The following WDR25 variants were observed in gnomAD, a reference collection of about 807,000 sequenced individuals.
The protein encoded by WDR25 is WD repeat domain 25.
Under a neutral mutation model 47.7 loss-of-function variants are expected in WDR25, and 35 were observed. That is an observed-to-expected ratio of 0.73 (90% CI 0.56 to 0.97). The LOEUF is 0.97. WDR25 is among the 50% of genes least tolerant of loss of function. The pLI is 0.00. For synonymous variants in WDR25, 248 were observed against 278.9 expected (o/e 0.89, Z 1.10); for missense variants, 634 against 704.7 (o/e 0.90, Z 1.14).
chr14:100,479,134 GT>G (rs1900116053), intron 3 of WDR25, among the ~76,000 whole-genome samples: 1 of 151,816 alleles, frequency 6.6e-6, no homozygotes, highest in Admixed American at 6.6e-5. Flanking sequence ...GGTTGTGATG[GT>G]GGTCCCTGCC....
intron 2 of WDR25, among the ~76,000 whole-genome samples, chr14:100,419,179 G>A (rs528522344): frequency 5.5e-5 from 8 of 144,404 alleles, no homozygotes; most frequent in South Asian, 4.3e-4. Flanking sequence ...CCGAGATCAC[G>A]CCACTGCACT....
At chr14:100,526,132 G>A in intron 5 of WDR25, 92 bp downstream of exon 5, 1 of 1,447,838 alleles carries the variant, frequency 6.9e-7, no homozygotes, top group Non-Finnish European at 9.3e-7. Context: ...TCCCTTCTGT[G>A]GGAGGAGGCT....
intron 3 of WDR25, among the ~76,000 whole-genome samples, chr14:100,478,199 T>A (rs976502807): frequency 1.3e-5 from 2 of 152,260 alleles, no homozygotes; most frequent in Non-Finnish European, 2.9e-5. Context: ...TTTAATTTTG[T>A]AAACTATAAT....
intron 2 of WDR25, among the ~76,000 whole-genome samples, chr14:100,461,162 A>G (rs534699632): frequency 2.6e-5 from 4 of 152,234 alleles, no homozygotes; most frequent in African/African-American, 9.6e-5. Flanking sequence ...TTTACAGTGA[A>G]CTGTGATCGC....
chr14:100,395,529 T>C (rs756078295), intron 2 of WDR25, among the ~76,000 whole-genome samples: 1 of 152,204 alleles, frequency 6.6e-6, no homozygotes, highest in African/African-American at 2.4e-5. Flanking sequence ...GGCTGGCATT[T>C]GAACTCACCT....
At position 100,468,413 on chromosome 14, in the gene WDR25, A is replaced by T. The variant is rs1899717055; in HGVS notation, c.970+245A>T. 6.6e-6 allele frequency among the ~76,000 whole-genome samples: 1 copy of T among 152,202 alleles called. No individual in the cohort carries two copies. The highest frequency in any genetic ancestry group is 1.5e-5 in the Non-Finnish European group (1 of 68,028). On this transcript the variant is annotated intron_variant, in intron 3 of 6. Coordinates refer to ENST00000402312, the MANE Select transcript of WDR25 (RefSeq NM_001161476.3). The surrounding 1 kb of genome is among the most constrained non-coding windows in gnomAD (Gnocchi z 4.5). ...AGAGCCCCAAGGTTGTCTCAGCCTCAAGCCATGGGGCTGGATAAAGAGGTG... is the reference window on the plus strand; with the variant it reads ...AGAGCCCCAAGGTTGTCTCAGCCTCTAGCCATGGGGCTGGATAAAGAGGTG...
rs1286525394 is a variant in WDR25, at chr14:100,461,961, A to G, written c.823-6060A>G. Reference sequence around the variant, plus strand: ...TTTGGGCAGAGCACACATATTTCCAATGAAATCAGAGAAACAACAATCCTA... The same window carrying G: ...TTTGGGCAGAGCACACATATTTCCAGTGAAATCAGAGAAACAACAATCCTA... On this transcript the variant is annotated intron_variant, in intron 2 of 6. Transcript: ENST00000402312. 4.6e-5 allele frequency among the ~76,000 whole-genome samples: 7 copies of G among 151,666 alleles called. No homozygotes were observed. The South Asian group carries it at 6.2e-4, about 14-fold the overall frequency.
intron 2 of WDR25, among the ~76,000 whole-genome samples, chr14:100,422,695 G>A (rs370175087): frequency 1.5e-4 from 23 of 152,266 alleles, no homozygotes; most frequent in East Asian, 1.2e-3. Flanking sequence ...CGTACTGAGC[G>A]TTCCCATTTC....
In WDR25 at chr14:100,529,773, C is replaced by T. The variant is rs369901185; in HGVS notation, c.1414-47C>T. On this transcript the variant is annotated intron_variant, in intron 6 of 6. Transcript: ENST00000402312. This position sits in a 1 kb window ranked among gnomAD's most constrained non-coding sequence, Gnocchi z 5.1. ...CTCTGTAGAATGGGCATACTCACCC[C>T]GGCTTGACAGGTGCGGCTTGCTCAC... 3.2e-4 allele frequency: 502 copies of T among 1,583,346 alleles called. No homozygotes were observed. Among genetic ancestry groups the T allele is most frequent in the Non-Finnish European group, 4.0e-4 (461 of 1,164,066 alleles).
intron 2 of WDR25, among the ~76,000 whole-genome samples, chr14:100,461,594 C>T (rs1215026794): frequency 1.3e-5 from 2 of 152,212 alleles, no homozygotes; most frequent in African/African-American, 4.8e-5. Flanking sequence ...AGCTGTAGAA[C>T]ACAAACATCA....
chr14:100,513,403 A>G (rs558682216), intron 4 of WDR25, among the ~76,000 whole-genome samples: 1 of 152,320 alleles, frequency 6.6e-6, no homozygotes, highest in South Asian at 2.1e-4. Flanking sequence ...CTCACCAGAC[A>G]CTGAATCTGC....
chr14:100,484,072 T>G lies in WDR25; in HGVS notation c.1049T>G (p.Leu350Ter). The G allele has an allele frequency of 6.2e-7, 1 of 1,614,068 alleles. No homozygotes were observed. Among genetic ancestry groups the G allele is most frequent in the Non-Finnish European group, 8.5e-7 (1 of 1,180,006 alleles). ...CATCCAAAAGACCACAACATCTTTT[T>G]ATGTGGAGGCTTCAGCTCTGAAATG... ...KFHPKDHNIF[L>*]CGGFSSEMKA... Residue 350 changes from leucine to a stop codon, truncating the protein, a stop_gained, in exon 4 of 7, where the codon TTA becomes TGA. Transcript: ENST00000402312. LOFTEE classifies it high-confidence loss of function.
chr14:100,458,390 G>A (rs988524426), intron 2 of WDR25, among the ~76,000 whole-genome samples: 1 of 152,046 alleles, frequency 6.6e-6, no homozygotes, highest in Non-Finnish European at 1.5e-5. Flanking sequence ...TAAATAATAA[G>A]CGAGCTCTAA....
intron 2 of WDR25, among the ~76,000 whole-genome samples, chr14:100,467,804 C>T (rs941872048): frequency 1.3e-5 from 2 of 152,144 alleles, no homozygotes; most frequent in Non-Finnish European, 2.9e-5. Flanking sequence ...GTTTTCTTAA[C>T]CCCAGAAAAA....
intron 4 of WDR25, among the ~76,000 whole-genome samples, chr14:100,515,372 TCATATTC>T (rs1220599105): frequency 6.6e-6 from 1 of 152,162 alleles, no homozygotes; most frequent in African/African-American, 2.4e-5. Context: ...TCACTTACAT[TCATATTC>T]AGGGTTTTTG....
At chr14:100,391,902 G>C (rs1340417067) in intron 2 of WDR25, among the ~76,000 whole-genome samples, 1 of 152,182 alleles carries the variant, frequency 6.6e-6, no homozygotes, top group Non-Finnish European at 1.5e-5. Context: ...GAGTTTTCCA[G>C]AGGCTATGAG....
rs563387895 is a variant in WDR25 at position 100,430,496 on chromosome 14, C to T, written c.823-37525C>T. Among the ~76,000 whole-genome samples, 91 of 152,270 alleles carry T rather than the reference C, an allele frequency of 6.0e-4. No homozygotes were observed. The highest frequency in any genetic ancestry group is 1.1e-3 in the Non-Finnish European group (77 of 68,020). On this transcript the variant is annotated intron_variant, in intron 2 of 6. Coordinates refer to ENST00000402312, the MANE Select transcript of WDR25 (RefSeq NM_001161476.3). The surrounding 1 kb of genome is among the most constrained non-coding windows in gnomAD (Gnocchi z 4.7). ...GTTTTATCATCAGCACGTCAGATGGCGCCTGGCACAAAGTAGGTGCTCACT... is the reference window on the plus strand; with the variant it reads ...GTTTTATCATCAGCACGTCAGATGGTGCCTGGCACAAAGTAGGTGCTCACT...
rs1238749623 is a variant in WDR25 at position 100,468,254 on chromosome 14, G to C, written c.970+86G>C. The C allele has an allele frequency of 4.0e-6, 6 of 1,514,570 alleles. No individual in the cohort carries two copies. In the East Asian group the frequency reaches 1.4e-4, roughly 35 times the overall value. 93.8% of individuals were successfully genotyped at this position (1,514,570 alleles called of 1,614,324 possible). ...TCTGGTGGGCACGCAGCCACAAGCT[G>C]TATACGCTTGCGTGGCAGAGGGAGA... On this transcript the variant is annotated intron_variant, in intron 3 of 6. Transcript: ENST00000402312. The surrounding 1 kb of genome is among the most constrained non-coding windows in gnomAD (Gnocchi z 4.5).
In WDR25 at chr14:100,526,009, C is replaced by T; in HGVS notation, c.1241C>T (p.Thr414Ile). The change falls in exon 5 of 7, where the codon ACC becomes ATC. Residue 414 changes from threonine to isoleucine, a missense_variant. Physicochemically the swap from Thr to Ile is moderately conservative, Grantham distance 89 (BLOSUM62 -1). Coordinates refer to ENST00000402312, the MANE Select transcript of WDR25 (RefSeq NM_001161476.3). ...DRTIIAWDFRTSAKISNQIFH... is the reference protein window; with the variant it reads ...DRTIIAWDFRISAKISNQIFH... ...ACCATTATTGCCTGGGATTTCCGGA[C>T]CTCTGCCAAAATCTCCAACCAGATT... 1 of 1,614,092 alleles carries T rather than the reference C, an allele frequency of 6.2e-7. No homozygotes were observed. The highest frequency in any genetic ancestry group is 8.5e-7 in the Non-Finnish European group (1 of 1,179,978).
Sources: allele counts gnomAD v4.1 joint callset (sites outside exome capture counted in the v4.1 genomes callset), GRCh38; gene constraint gnomAD v4.1.1; non-coding constraint Gnocchi (gnomAD v3.1); transcripts MANE v1.5; gene names NCBI Gene and HGNC (gene_info 2026-07-23, HGNC 2026-07-21).